Variants in EML4 observed in about 807,000 individuals in gnomAD.
EML4 encodes echinoderm microtubule-associated protein-like 4.
Under a neutral mutation model 129.0 loss-of-function variants are expected in EML4, and 72 were observed. That is an observed-to-expected ratio of 0.56 (90% CI 0.46 to 0.68). EML4 has a LOEUF of 0.68. EML4 is among the 30% of genes least tolerant of loss of function. EML4 has a pLI of 0.00. For missense variants in EML4, 1,363 were observed against 1,190.6 expected (o/e 1.14, Z -2.13); for synonymous variants, 532 against 405.0 (o/e 1.31, Z -3.77).
At chr2:42,187,417 G>A (rs2374393) in intron 1 of EML4, among the ~76,000 whole-genome samples, 3 of 151,832 alleles carry the variant, frequency 2.0e-5, no homozygotes, top group East Asian at 1.9e-4. Flanking sequence ...TGCTTTTTAC[G>A]TAGCATATTG....
chr2:42,187,990 C>G (rs928637309), intron 1 of EML4, among the ~76,000 whole-genome samples: 1 of 152,142 alleles, frequency 6.6e-6, no homozygotes, highest in East Asian at 1.9e-4. Flanking sequence ...TCGATGATCT[C>G]TTTAGAGTTA....
At chr2:42,264,887 T>A (rs2104399351) in intron 6 of EML4, 156 bp downstream of exon 6, 1 of 1,548,478 alleles carries the variant, frequency 6.5e-7, no homozygotes, top group Admixed American at 2.0e-5. Flanking sequence ...CCAGTTTTTA[T>A]TGTAAGGTAA....
chr2:42,261,914 C>T (rs771284308), intron 4 of EML4, among the ~76,000 whole-genome samples: 3 of 152,114 alleles, frequency 2.0e-5, no homozygotes, highest in Non-Finnish European at 4.4e-5. Context: ...AATATTCTAA[C>T]AATGTGTGTG....
intron 6 of EML4, among the ~76,000 whole-genome samples, chr2:42,274,706 A>C (rs1003807077): frequency 6.6e-6 from 1 of 152,218 alleles, no homozygotes; most frequent in Non-Finnish European, 1.5e-5. Context: ...TAACTGTCCC[A>C]AAAGAATGAG....
At chr2:42,295,345 A>G (rs1390121471) in intron 12 of EML4, 36 bp from the exon 13 acceptor site, 6 of 1,606,344 alleles carry the variant, frequency 3.7e-6, no homozygotes, top group East Asian at 4.5e-5. Context: ...TGTCATGGCA[A>G]AAAGAAAACT....
chr2:42,236,321 A>G (rs1204581909), intron 1 of EML4, among the ~76,000 whole-genome samples: 2 of 152,334 alleles, frequency 1.3e-5, no homozygotes, highest in South Asian at 2.1e-4. Context: ...CCCGTTTTAC[A>G]ATTGATAGAT....
chr2:42,180,893 G>T (rs1670896799), intron 1 of EML4, among the ~76,000 whole-genome samples: 1 of 152,124 alleles, frequency 6.6e-6, no homozygotes, highest in African/African-American at 2.4e-5. Flanking sequence ...TCTTCCTTGG[G>T]TTTTGTCACC....
At chr2:42,253,471 T>G (rs1388506211) in intron 2 of EML4, among the ~76,000 whole-genome samples, 1 of 152,184 alleles carries the variant, frequency 6.6e-6, no homozygotes, top group Admixed American at 6.5e-5. Flanking sequence ...ATATTACAGT[T>G]AGTGGCATTA....
chr2:42,329,349 T>C (rs1247692078), intron 22 of EML4, among the ~76,000 whole-genome samples: 1 of 152,268 alleles, frequency 6.6e-6, no homozygotes, highest in African/African-American at 2.4e-5. Flanking sequence ...TTCAACGTTA[T>C]AAAACTAATG....
intron 3 of EML4, among the ~76,000 whole-genome samples, chr2:42,257,337 C>A (rs954960180): frequency 6.6e-6 from 1 of 152,128 alleles, no homozygotes; most frequent in African/African-American, 2.4e-5. Context: ...GCTACAAAAT[C>A]TTAAAACCGT....
At chr2:42,297,753 A>G (rs1160622029) in intron 13 of EML4, among the ~76,000 whole-genome samples, 1 of 152,236 alleles carries the variant, frequency 6.6e-6, no homozygotes, top group Non-Finnish European at 1.5e-5. Flanking sequence ...ACCAACCAAA[A>G]TTTGAGTGTA....
At chr2:42,259,411 G>A (rs1370444559) in intron 3 of EML4, among the ~76,000 whole-genome samples, 1 of 152,106 alleles carries the variant, frequency 6.6e-6, no homozygotes, top group African/African-American at 2.4e-5. Context: ...AGGAATAGCA[G>A]GTGGTTTATT....
At chr2:42,203,927 T>C (rs1259047468) in intron 1 of EML4, among the ~76,000 whole-genome samples, 1 of 152,122 alleles carries the variant, frequency 6.6e-6, no homozygotes, top group Non-Finnish European at 1.5e-5. Context: ...TTACCTTTCT[T>C]TTTCCCCCAA....
chr2:42,254,059 C>T lies in EML4; in HGVS notation c.209-2442C>T, dbSNP rs561495207. Among the ~76,000 whole-genome samples the T allele has an allele frequency of 7.2e-5, 11 of 152,246 alleles. No individual in the cohort carries two copies. The South Asian group carries it at 2.3e-3, about 32-fold the overall frequency. ...TAGAATATTTGAAGAACTCATATGC[C>T]TCAGTTATTAAGAAGGAAGCCCATT... is the stretch of plus-strand genomic sequence containing the variant. On this transcript the variant is annotated intron_variant, in intron 2 of 22. Transcript: ENST00000318522.
intron 3 of EML4, among the ~76,000 whole-genome samples, 196 bp from the exon 4 acceptor site, chr2:42,260,925 T>C (rs6544525): frequency 0.065 from 9,829 of 152,298 alleles, 1,025 homozygotes; most frequent in African/African-American, 0.22. Flanking sequence ...TTAGAATTTT[T>C]ATAAATTCTT....
At chr2:42,284,308 A>G (rs185206836) in intron 8 of EML4, among the ~76,000 whole-genome samples, 6 of 152,370 alleles carry the variant, frequency 3.9e-5, no homozygotes, top group Admixed American at 2.0e-4. Flanking sequence ...CATCTTCACT[A>G]TAATAAAGTC....
At chr2:42,327,246 G>A (rs1669858418) in intron 21 of EML4, among the ~76,000 whole-genome samples, 1 of 152,208 alleles carries the variant, frequency 6.6e-6, no homozygotes, top group Admixed American at 6.5e-5. Flanking sequence ...TCATTCATCA[G>A]CTGATGGACA....
intron 1 of EML4, among the ~76,000 whole-genome samples, chr2:42,199,555 T>A (rs995527443): frequency 6.6e-6 from 1 of 152,186 alleles, no homozygotes; most frequent in African/African-American, 2.4e-5. Flanking sequence ...TCTCCCTGTT[T>A]TCTGTTGAGA....
intron 2 of EML4, among the ~76,000 whole-genome samples, chr2:42,248,904 A>G (rs1675587010): frequency 6.6e-6 from 1 of 152,146 alleles, no homozygotes; most frequent in African/African-American, 2.4e-5. Flanking sequence ...CCTTTAGTGG[A>G]AAAATATGTC....
Sources: gnomAD v4.1 joint callset for allele counts (sites outside exome capture counted in the v4.1 genomes callset) on GRCh38, gnomAD v4.1.1 for gene constraint, MANE v1.5 for transcripts, NCBI Gene and HGNC (gene_info 2026-07-23, HGNC 2026-07-21) for gene names.